Variants in NDUFAF2 observed in about 807,000 individuals in gnomAD.
NDUFAF2 encodes NADH dehydrogenase [ubiquinone] 1 alpha subcomplex assembly factor 2.
In NDUFAF2, 13 loss-of-function variants were observed where a neutral mutation model predicts 22.8. The ratio of observed to expected loss-of-function variants is 0.57; its 90% CI spans 0.37 to 0.91. NDUFAF2 has a LOEUF of 0.91. Ranked by LOEUF, NDUFAF2 falls within the 40% of genes least tolerant of loss-of-function variation. NDUFAF2 has a pLI of 0.01. For missense variants in NDUFAF2, 162 were observed against 195.2 expected, an observed-to-expected ratio of 0.83 and a Z score of 1.01; for synonymous variants, 53 against 64.2, an observed-to-expected ratio of 0.83 and a Z score of 0.84.
At chr5:61,151,735 G>A (rs905921604) in intron 3 of NDUFAF2, among the ~76,000 whole-genome samples, 6 of 151,340 alleles carry the variant, frequency 4.0e-5, no homozygotes, top group Non-Finnish European at 4.4e-5. Flanking sequence ...CCGAGGTTGC[G>A]GTAAGCCGAG....
Position 61,007,413 on chromosome 5 carries a change from G to A in NDUFAF2, c.127+62031G>A, listed in dbSNP as rs554710861. On this transcript the variant is annotated intron_variant, in intron 1 of 3. Transcript: ENST00000296597. ...TCTTGTTTTTGTCAGGTTTCTCAAA[G>A]ATCAGATAGTTGTAGATATGTGGCG... Among the ~76,000 whole-genome samples the A allele has an allele frequency of 1.5e-3, 235 of 152,252 alleles. 1 individual carries two copies. The highest frequency in any genetic ancestry group is 2.8e-3 in the Non-Finnish European group (189 of 68,000).
chr5:61,040,284 A>ACACACACACG (rs1554080863), intron 1 of NDUFAF2, among the ~76,000 whole-genome samples: 1 of 87,220 alleles, frequency 1.1e-5, no homozygotes, highest in Admixed American at 1.1e-4. Flanking sequence ...ACACACACAC[A>ACACACACACG]CACGCGCGCG....
At chr5:61,044,704 A>G (rs2111687637) in intron 1 of NDUFAF2, among the ~76,000 whole-genome samples, 1 of 152,252 alleles carries the variant, frequency 6.6e-6, no homozygotes, top group Middle Eastern at 3.4e-3. Context: ...TTATGCCAAT[A>G]CCATGCTGTT....
At chr5:61,114,978 CT>C (rs1168585250) in intron 3 of NDUFAF2, 1 of 152,480 alleles carries the variant, frequency 6.6e-6, no homozygotes, top group Non-Finnish European at 1.5e-5. Flanking sequence ...GCCGGGCAGG[CT>C]TGTATTCTTT....
chr5:61,089,581 A>G (rs907634156), intron 2 of NDUFAF2, among the ~76,000 whole-genome samples: 8 of 152,124 alleles, frequency 5.3e-5, no homozygotes, highest in African/African-American at 1.4e-4. Context: ...GGCATCACTC[A>G]TCATCCCAAC....
intron 3 of NDUFAF2, among the ~76,000 whole-genome samples, chr5:61,107,044 T>TACACACACACACACACACACACAC (rs71578646): frequency 5.1e-4 from 33 of 64,726 alleles, no homozygotes; most frequent in African/African-American, 9.9e-4. Flanking sequence ...TTTGGATAAA[T>TACACACACACACACACACACACAC]ATACACACAC....
At chr5:61,053,920 CT>C (rs1369877426) in intron 1 of NDUFAF2, among the ~76,000 whole-genome samples, 2 of 152,044 alleles carry the variant, frequency 1.3e-5, no homozygotes, top group Non-Finnish European at 2.9e-5. Flanking sequence ...AACAACTGAA[CT>C]TTAAAAAACA....
At chr5:61,133,019 TTAAG>T (rs1753132241) in intron 3 of NDUFAF2, among the ~76,000 whole-genome samples, 1 of 152,178 alleles carries the variant, frequency 6.6e-6, no homozygotes, top group Non-Finnish European at 1.5e-5. Flanking sequence ...GAGATCCATT[TTAAG>T]TAAGGGGCAC....
At chr5:61,064,074 A>G (rs1752199955) in intron 1 of NDUFAF2, among the ~76,000 whole-genome samples, 2 of 152,154 alleles carry the variant, frequency 1.3e-5, no homozygotes, top group Non-Finnish European at 2.9e-5. Flanking sequence ...AATGGTAATC[A>G]AAAGAAAGCA....
At chr5:60,992,927 T>C (rs949417615) in intron 1 of NDUFAF2, among the ~76,000 whole-genome samples, 9 of 152,236 alleles carry the variant, frequency 5.9e-5, no homozygotes, top group African/African-American at 2.2e-4. Context: ...GTCACTTTTC[T>C]GGCCAGAAAC....
intron 3 of NDUFAF2, among the ~76,000 whole-genome samples, chr5:61,143,158 A>G (rs1741082908): frequency 6.6e-6 from 1 of 152,082 alleles, no homozygotes; most frequent in Admixed American, 6.6e-5. Context: ...GCTGTGTGGT[A>G]TATTCTGGGA....
At chr5:61,095,002 G>C (rs1419768451) in intron 2 of NDUFAF2, among the ~76,000 whole-genome samples, 1 of 152,210 alleles carries the variant, frequency 6.6e-6, no homozygotes, top group Admixed American at 6.5e-5. Flanking sequence ...CAGCTGTGCT[G>C]TGCTGGGATA....
chr5:61,038,279 C>CA (rs1389391458), intron 1 of NDUFAF2, among the ~76,000 whole-genome samples: 1 of 152,046 alleles, frequency 6.6e-6, no homozygotes, highest in Non-Finnish European at 1.5e-5. Context: ...ATAAAAAAGG[C>CA]AACATAATGC....
intron 3 of NDUFAF2, among the ~76,000 whole-genome samples, chr5:61,128,804 C>G (rs1320983448): frequency 2.0e-5 from 3 of 152,068 alleles, no homozygotes. Context: ...CAAATGGGAT[C>G]TAATTAAACT....
intron 1 of NDUFAF2, among the ~76,000 whole-genome samples, chr5:61,037,607 A>G (rs751160982): frequency 2.8e-4 from 42 of 152,330 alleles, no homozygotes; most frequent in Non-Finnish European, 4.6e-4. Context: ...TGTGTATTCA[A>G]CATATTAAAA....
intron 1 of NDUFAF2, among the ~76,000 whole-genome samples, chr5:60,984,439 A>T (rs562765068): frequency 1.2e-4 from 18 of 152,194 alleles, no homozygotes; most frequent in Admixed American, 3.3e-4. Context: ...ACTATGTTGA[A>T]TAGGAGTGGT....
At chr5:61,142,191 TTC>T (rs1741070340) in intron 3 of NDUFAF2, among the ~76,000 whole-genome samples, 1 of 152,226 alleles carries the variant, frequency 6.6e-6, no homozygotes. Context: ...ACTGCTAAAT[TTC>T]TTTTTCAATT....
At chr5:61,055,134 A>G (rs79299974) in intron 1 of NDUFAF2, among the ~76,000 whole-genome samples, 14,823 of 152,270 alleles carry the variant, frequency 0.097, 833 homozygotes, top group African/African-American at 0.14. Flanking sequence ...TTAGCATTCT[A>G]TTCCTTTATT....
chr5:61,077,551 T>C (rs1403709535), intron 2 of NDUFAF2, among the ~76,000 whole-genome samples: 1 of 152,158 alleles, frequency 6.6e-6, no homozygotes, highest in Non-Finnish European at 1.5e-5. Context: ...GAGGAGTTTA[T>C]CTGTAAAGAA....
Sources: gnomAD v4.1 joint callset for allele counts (sites outside exome capture counted in the v4.1 genomes callset) on GRCh38, gnomAD v4.1.1 for gene constraint, MANE v1.5 for transcripts, NCBI Gene and HGNC (gene_info 2026-07-23, HGNC 2026-07-21) for gene names.